Variants in PSIP1 observed in about 807,000 individuals in gnomAD.
PSIP1 encodes PC4 and SFRS1-interacting protein.
Under a neutral mutation model 74.7 loss-of-function variants are expected in PSIP1, and 19 were observed. The ratio of observed to expected loss-of-function variants is 0.25; its 90% CI spans 0.18 to 0.37. PSIP1 has a LOEUF of 0.37. Among genes scored for constraint, PSIP1 ranks in the 10% least tolerant of loss-of-function variants. PSIP1 has a pLI of 1.00. For missense variants in PSIP1, 601 were observed against 614.3 expected, an observed-to-expected ratio of 0.98 and a Z score of 0.23; for synonymous variants, 222 against 195.3, an observed-to-expected ratio of 1.14 and a Z score of -1.14.
chr9:15,485,896 G>A, intron 6 of PSIP1, 110 bp downstream of exon 6: 1 of 997,178 alleles, frequency 1.0e-6, no homozygotes, highest in Non-Finnish European at 1.5e-6. Context: ...AAATTAAAGG[G>A]TTTAGAATAA....
intron 2 of PSIP1, among the ~76,000 whole-genome samples, chr9:15,509,308 G>A (rs1471601179): frequency 6.6e-6 from 1 of 152,122 alleles, no homozygotes; most frequent in East Asian, 1.9e-4. Context: ...ATCTATCTCT[G>A]TTTGAGAGCC....
Position 15,510,315 on chromosome 9 carries a change from G to A in PSIP1, c.-127C>T. The stretch of plus-strand genomic sequence containing the variant: ...CGGGCGGGGGAGGATGCCTCGGGGC[G>A]TCCCGACGCGCCTGCTAGGGAGAGC... On this transcript the variant is annotated 5_prime_UTR_variant, in exon 2 of 16. The change creates a new upstream start codon in the 5' untranslated region. Coordinates refer to ENST00000380733, the MANE Select transcript of PSIP1 (RefSeq NM_033222.5). 1 of 572,536 alleles carries A rather than the reference G, an allele frequency of 1.7e-6. No homozygotes were observed. Among genetic ancestry groups the A allele is most frequent in the Non-Finnish European group, 2.8e-6 (1 of 360,556 alleles). 35.5% of individuals were successfully genotyped at this position (572,536 alleles called of 1,614,324 possible). A position where few individuals can be genotyped will look rare whatever the true frequency, so the allele number is the denominator to read the frequency against.
intron 3 of PSIP1, among the ~76,000 whole-genome samples, chr9:15,500,278 T>C (rs183818766): frequency 6.6e-6 from 1 of 151,918 alleles, no homozygotes; most frequent in Non-Finnish European, 1.5e-5. Context: ...ATCCTGGCTA[T>C]CACGGTGAAA....
chr9:15,480,300 TA>T (rs2036279007), intron 6 of PSIP1, among the ~76,000 whole-genome samples: 1 of 152,130 alleles, frequency 6.6e-6, no homozygotes, highest in African/African-American at 2.4e-5. Context: ...GTACTGATCA[TA>T]ACTGCAAAAG....
intron 3 of PSIP1, among the ~76,000 whole-genome samples, chr9:15,490,335 C>T (rs2036766149): frequency 6.6e-6 from 1 of 152,128 alleles, no homozygotes; most frequent in African/African-American, 2.4e-5. Flanking sequence ...TTAAGTAAAA[C>T]CACAGACGTT....
intron 13 of PSIP1, 27 bp downstream of exon 13, chr9:15,468,930 G>T (rs2035735582): frequency 6.2e-7 from 1 of 1,605,344 alleles, no homozygotes; most frequent in African/African-American, 1.3e-5. Context: ...AAAATTCAAA[G>T]AATCCACATG....
At chr9:15,492,688 G>C (rs925716215) in intron 3 of PSIP1, among the ~76,000 whole-genome samples, 2 of 152,180 alleles carry the variant, frequency 1.3e-5, no homozygotes, top group Non-Finnish European at 2.9e-5. Flanking sequence ...CGAAGTCTTC[G>C]TCCCTGCAGC....
At chr9:15,490,822 T>C (rs967109902) in intron 3 of PSIP1, among the ~76,000 whole-genome samples, 6 of 152,158 alleles carry the variant, frequency 3.9e-5, no homozygotes, top group South Asian at 4.1e-4. Context: ...TCGTATATTA[T>C]ACAACTCACA....
At chr9:15,500,298 T>C (rs2037278639) in intron 3 of PSIP1, among the ~76,000 whole-genome samples, 1 of 151,968 alleles carries the variant, frequency 6.6e-6, no homozygotes, top group African/African-American at 2.4e-5. Flanking sequence ...ACCCGGTCTC[T>C]ACTAAAAACA....
At chr9:15,510,004 A>C in intron 2 of PSIP1, 113 bp downstream of exon 2, 1 of 1,087,370 alleles carries the variant, frequency 9.2e-7, no homozygotes. Flanking sequence ...GTTACAAATG[A>C]GACTAAAGCG....
chr9:15,466,529 T>G (rs911814090), intron 15 of PSIP1, among the ~76,000 whole-genome samples: 1 of 152,250 alleles, frequency 6.6e-6, no homozygotes, highest in African/African-American at 2.4e-5. Context: ...TTAACTGGGT[T>G]CCCAGCTAGT....
At chr9:15,508,395 C>T (rs1396978225) in intron 2 of PSIP1, among the ~76,000 whole-genome samples, 1 of 152,186 alleles carries the variant, frequency 6.6e-6, no homozygotes, top group African/African-American at 2.4e-5. Flanking sequence ...AAGACAAACA[C>T]TTCCCTTCCA....
At position 15,489,803 on chromosome 9, in the gene PSIP1, T is replaced by C. The variant is rs191967587; in HGVS notation, c.288+183A>G. ...GTTTCTTGAGATCTGTTTAACTACA[T>C]AAAATAATGATTTTGTCAATTCATT... On this transcript the variant is annotated intron_variant, in intron 4 of 15. Transcript: ENST00000380733. Among the ~76,000 whole-genome samples, 6 of 152,244 alleles carry C rather than the reference T, an allele frequency of 3.9e-5. No individual in the cohort carries two copies. The East Asian group carries it at 9.6e-4, about 24-fold the overall frequency.
intron 14 of PSIP1, 33 bp downstream of exon 14, chr9:15,468,597 C>T (rs779417262): frequency 6.3e-7 from 1 of 1,594,084 alleles, no homozygotes; most frequent in South Asian, 1.1e-5. Flanking sequence ...GGTTTAAAAA[C>T]TGGTGTGAAA....
chr9:15,492,073 C>G (rs1563888544), intron 3 of PSIP1: 3 of 152,188 alleles, frequency 2.0e-5, no homozygotes, highest in East Asian at 1.9e-4. Flanking sequence ...CCCCTGCCCC[C>G]TCTCTCAAAT....
chr9:15,501,931 C>T (rs1467266344), intron 3 of PSIP1, among the ~76,000 whole-genome samples: 1 of 151,030 alleles, frequency 6.6e-6, no homozygotes, highest in Non-Finnish European at 1.5e-5. Flanking sequence ...AGGACCAGTA[C>T]CCGTCCGTGG....
chr9:15,466,751 T>A lies in PSIP1; in HGVS notation c.1529A>T (p.Lys510Ile). 6.2e-7 allele frequency: 1 copy of A among 1,606,540 alleles called. No individual in the cohort carries two copies. Residue 510 changes from lysine to isoleucine, a missense_variant, in exon 15 of 16, where the codon AAA (lysine) becomes ATA (isoleucine). By Grantham distance (102) the Lys-to-Ile change is moderately radical (BLOSUM62 -3). This residue lies in a region of PSIP1 where 538 missense variants were observed against 507.6 expected (regional missense o/e 1.06). Transcript: ENST00000380733. Reference protein sequence around the residue: ...SKDNHEASTKKKPSSEERETE... With the variant: ...SKDNHEASTKIKPSSEERETE... ...CCCATTAAAACCTATTCCTCACTTT[T>A]TCTTCGTGCTGGCTTCATGGTTGTC...
At chr9:15,490,840 C>T (rs1232822596) in intron 3 of PSIP1, among the ~76,000 whole-genome samples, 3 of 151,950 alleles carry the variant, frequency 2.0e-5, no homozygotes, top group Non-Finnish European at 4.4e-5. Flanking sequence ...ACAAAACTAT[C>T]GTGTTTTTAA....
chr9:15,499,365 T>C (rs1242673012), intron 3 of PSIP1, among the ~76,000 whole-genome samples: 1 of 152,216 alleles, frequency 6.6e-6, no homozygotes, highest in Admixed American at 6.5e-5. Flanking sequence ...CAATACTAGT[T>C]TTATAATACT....
Sources: gnomAD v4.1 joint callset for allele counts (sites outside exome capture counted in the v4.1 genomes callset) on GRCh38, gnomAD v4.1.1 for gene constraint, gnomAD v4.1.1 regional missense constraint, MANE v1.5 for transcripts, NCBI Gene and HGNC (gene_info 2026-07-23, HGNC 2026-07-21) for gene names.